Variants in DCC observed in about 807,000 individuals in gnomAD.
DCC encodes the protein netrin receptor DCC.
Under a neutral mutation model 172.5 loss-of-function variants are expected in DCC, and 58 were observed. The ratio of observed to expected loss-of-function variants is 0.34; its 90% CI spans 0.27 to 0.42. DCC has a LOEUF of 0.42. DCC is among the 10% of genes least tolerant of loss of function. The pLI, the probability that DCC is intolerant of heterozygous loss-of-function variation, is 1.00. For synonymous variants in DCC, 709 were observed against 644.5 expected, an observed-to-expected ratio of 1.10 and a Z score of -1.52; for missense variants, 1,740 against 1,791.0, an observed-to-expected ratio of 0.97 and a Z score of 0.51.
In DCC at chr18:52,340,854, T is replaced by C. The variant is rs9951523; in HGVS notation, c.67T>C (p.Phe23Leu). 1,591,522 of 1,613,996 alleles carry C rather than the reference T, an allele frequency of 0.99. 784,792 individuals carry two copies. Among genetic ancestry groups the C allele is most frequent in the East Asian group, 1 (44,833 of 44,838 alleles). ...LAFVLFGASL[F>L]SAHLQVTGFQ... ...TTTTGTACTCTTCGGAGCTTCCTTGTTCAGCGCGCATCTTCAAGTAACCGG... is the reference window on the plus strand; with the variant it reads ...TTTTGTACTCTTCGGAGCTTCCTTGCTCAGCGCGCATCTTCAAGTAACCGG... Residue 23 changes from phenylalanine to leucine, a missense_variant, in exon 1 of 29, where the codon TTC becomes CTC. Transcript: ENST00000442544.
At chr18:52,792,800 A>G (rs796678090) in intron 2 of DCC, among the ~76,000 whole-genome samples, 1 of 152,084 alleles carries the variant, frequency 6.6e-6, no homozygotes, top group Non-Finnish European at 1.5e-5. Context: ...ATTCCATTCC[A>G]TTCCAGTTGA....
intron 12 of DCC, among the ~76,000 whole-genome samples, chr18:53,278,612 A>G (rs780797789): frequency 2.6e-5 from 4 of 152,160 alleles, no homozygotes; most frequent in Non-Finnish European, 4.4e-5. Flanking sequence ...TTTTTTAAAA[A>G]GGAAAGCCTA....
chr18:53,066,745 A>G (rs8094435), intron 7 of DCC, among the ~76,000 whole-genome samples: 48,258 of 151,776 alleles, frequency 0.32, 9,291 homozygotes, highest in African/African-American at 0.54. Flanking sequence ...CTCCACTGCT[A>G]TAGAGAAATA....
At chr18:53,420,861 T>C (rs1256115352) in intron 21 of DCC, among the ~76,000 whole-genome samples, 2 of 152,158 alleles carry the variant, frequency 1.3e-5, no homozygotes, top group African/African-American at 4.8e-5. Context: ...TTTTTCCCAG[T>C]TTTTCAGAAG....
intron 7 of DCC, among the ~76,000 whole-genome samples, chr18:53,140,930 A>G (rs2043820418): frequency 6.6e-6 from 1 of 152,174 alleles, no homozygotes. Context: ...TTGTTTTAGG[A>G]TGAGTTATAA....
chr18:53,186,015 A>G (rs1311264534), intron 9 of DCC, among the ~76,000 whole-genome samples: 1 of 152,216 alleles, frequency 6.6e-6, no homozygotes, highest in Non-Finnish European at 1.5e-5. Context: ...AGTGAAGGAC[A>G]TAGCTTACTA....
intron 12 of DCC, among the ~76,000 whole-genome samples, chr18:53,255,719 T>C (rs1246751670): frequency 6.6e-6 from 1 of 152,098 alleles, no homozygotes; most frequent in Non-Finnish European, 1.5e-5. Flanking sequence ...TTCCTTTGGG[T>C]ATATACCCAG....
chr18:52,680,146 T>C (rs1332098280), intron 1 of DCC, among the ~76,000 whole-genome samples: 2 of 152,124 alleles, frequency 1.3e-5, no homozygotes, highest in African/African-American at 4.8e-5. Flanking sequence ...TGAGCAGTGA[T>C]GTTACAGAAA....
At chr18:52,811,050 A>G (rs1470942761) in intron 2 of DCC, among the ~76,000 whole-genome samples, 2 of 152,334 alleles carry the variant, frequency 1.3e-5, no homozygotes, top group South Asian at 2.1e-4. Context: ...CAAATCGTTG[A>G]TGAATTTTTA....
intron 1 of DCC, among the ~76,000 whole-genome samples, chr18:52,538,793 C>A (rs1000933583): frequency 6.6e-6 from 1 of 152,038 alleles, no homozygotes; most frequent in East Asian, 1.9e-4. Context: ...ACCTTGATTG[C>A]AAATTCTTCT....
At chr18:53,438,078 C>G (rs1258404036) in intron 22 of DCC, among the ~76,000 whole-genome samples, 1 of 152,196 alleles carries the variant, frequency 6.6e-6, no homozygotes, top group Non-Finnish European at 1.5e-5. Flanking sequence ...GGAGTTCATG[C>G]AGGAAATTAG....
intron 7 of DCC, among the ~76,000 whole-genome samples, chr18:53,117,122 A>G (rs1426008653): frequency 6.6e-6 from 1 of 151,748 alleles, no homozygotes; most frequent in East Asian, 1.9e-4. Context: ...AGCATTTAAA[A>G]CATTCTCCAT....
In DCC at chr18:53,276,491, C is replaced by T. The variant is rs114043185; in HGVS notation, c.1912-29087C>T. Among the ~76,000 whole-genome samples the T allele has an allele frequency of 3.2e-3, 492 of 152,268 alleles. 2 individuals are homozygous for T. Among genetic ancestry groups the T allele is most frequent in the African/African-American group, 0.011 (462 of 41,558 alleles). On this transcript the variant is annotated intron_variant, in intron 12 of 28. Transcript: ENST00000442544. ...TCTCTGGAAAATAAGCACAAAACCACCTTACTCTAAATGTCCTTCTTTCCT... is the reference window on the plus strand; with the variant it reads ...TCTCTGGAAAATAAGCACAAAACCATCTTACTCTAAATGTCCTTCTTTCCT...
intron 5 of DCC, among the ~76,000 whole-genome samples, chr18:53,018,273 A>G (rs2041835110): frequency 6.6e-6 from 1 of 152,210 alleles, no homozygotes; most frequent in Admixed American, 6.5e-5. Flanking sequence ...AGAAATAAAT[A>G]CTGACATTAT....
intron 21 of DCC, among the ~76,000 whole-genome samples, chr18:53,422,818 A>C (rs925036497): frequency 3.9e-5 from 6 of 152,206 alleles, no homozygotes; most frequent in African/African-American, 1.4e-4. Context: ...GGAGCTGTTT[A>C]ATTGAAAATT....
intron 2 of DCC, among the ~76,000 whole-genome samples, chr18:52,777,362 T>C (rs964091727): frequency 8.1e-4 from 123 of 152,118 alleles, no homozygotes; most frequent in Admixed American, 8.0e-3. Flanking sequence ...GCCCCATAAG[T>C]TATTTGGCTT....
intron 15 of DCC, among the ~76,000 whole-genome samples, chr18:53,342,536 G>T (rs549118047): frequency 2.4e-4 from 37 of 151,174 alleles, no homozygotes; most frequent in African/African-American, 9.0e-4. Context: ...TACATTAAAA[G>T]TGTACTTTTT....
chr18:53,468,372 TTTA>T (rs1236023423), intron 25 of DCC, among the ~76,000 whole-genome samples: 2 of 126,672 alleles, frequency 1.6e-5, no homozygotes, highest in Non-Finnish European at 1.7e-5. Flanking sequence ...ATTTTATTTA[TTTA>T]TTTATTTTAT....
chr18:53,377,384 A>AGG (rs1555661123), intron 15 of DCC, among the ~76,000 whole-genome samples: 1 of 150,218 alleles, frequency 6.7e-6, no homozygotes, highest in Non-Finnish European at 1.5e-5. Flanking sequence ...AGAGAGAGAG[A>AGG]GAGAGGAAGA....
Sources: allele counts gnomAD v4.1 joint callset (sites outside exome capture counted in the v4.1 genomes callset), GRCh38; gene constraint gnomAD v4.1.1; transcripts MANE v1.5; gene names NCBI Gene and HGNC (gene_info 2026-07-23, HGNC 2026-07-21).